Variants in FAM13A observed in about 807,000 individuals in gnomAD.
FAM13A encodes family with sequence similarity 13 member A, also known as protein FAM13A.
Under a neutral mutation model 129.6 loss-of-function variants are expected in FAM13A, and 76 were observed. The ratio of observed to expected loss-of-function variants is 0.59; its 90% CI spans 0.49 to 0.71. The LOEUF is 0.71. Among genes scored for constraint, FAM13A ranks in the 30% least tolerant of loss-of-function variants. The pLI is 0.00. For synonymous variants in FAM13A, 443 were observed against 449.9 expected (o/e 0.98, Z 0.20); for missense variants, 1,108 against 1,249.3 (o/e 0.89, Z 1.70).
intron 7 of FAM13A, among the ~76,000 whole-genome samples, chr4:88,816,051 T>C (rs1396299202): frequency 6.6e-6 from 1 of 151,328 alleles, no homozygotes; most frequent in Non-Finnish European, 1.5e-5. Context: ...AAAACCAAAG[T>C]AGAATTAATT....
intron 6 of FAM13A, among the ~76,000 whole-genome samples, chr4:88,860,257 C>T (rs74455860): frequency 0.013 from 2,017 of 152,248 alleles, 43 homozygotes; most frequent in African/African-American, 0.047. Flanking sequence ...ACTCTTCTAG[C>T]ATAAATATTA....
chr4:89,016,488 C>G (rs1211243861), intron 3 of FAM13A, among the ~76,000 whole-genome samples: 1 of 152,076 alleles, frequency 6.6e-6, no homozygotes, highest in Non-Finnish European at 1.5e-5. Flanking sequence ...ATCTCCTAGG[C>G]CTTCATATTC....
chr4:88,882,361 A>G (rs920983206), intron 6 of FAM13A, among the ~76,000 whole-genome samples: 1 of 152,148 alleles, frequency 6.6e-6, no homozygotes, highest in African/African-American at 2.4e-5. Flanking sequence ...TCAGCCAAGA[A>G]TTTTGTATCC....
chr4:88,791,675 G>A lies in FAM13A; in HGVS notation c.1050-1048C>T, dbSNP rs190532684. On this transcript the variant is annotated intron_variant, in intron 8 of 23. Coordinates refer to ENST00000264344, the MANE Select transcript of FAM13A (RefSeq NM_014883.4). ...TTCAAAGAAAATCAAAGTTGTTAAG[G>A]ACCAATATTGATAGTTGTCTTTCAA... Among the ~76,000 whole-genome samples the A allele has an allele frequency of 9.9e-5, 15 of 152,118 alleles. No homozygotes were observed. In the South Asian group the frequency reaches 2.5e-3, roughly 25 times the overall value.
intron 10 of FAM13A, among the ~76,000 whole-genome samples, chr4:88,784,244 C>A (rs980000460): frequency 2.6e-5 from 4 of 152,160 alleles, no homozygotes; most frequent in African/African-American, 9.7e-5. Flanking sequence ...CACTATAGAT[C>A]CATGAGCCTG....
chr4:88,953,157 G>A (rs1192659109), intron 4 of FAM13A, among the ~76,000 whole-genome samples: 1 of 151,808 alleles, frequency 6.6e-6, no homozygotes, highest in African/African-American at 2.4e-5. Flanking sequence ...ATTACCCCAA[G>A]AAGAAACTTC....
At chr4:88,848,273 T>C (rs1456440059) in intron 7 of FAM13A, among the ~76,000 whole-genome samples, 1 of 152,234 alleles carries the variant, frequency 6.6e-6, no homozygotes, top group Non-Finnish European at 1.5e-5. Context: ...GTCCTTGTGG[T>C]TGTACAGCGC....
At chr4:88,773,248 C>T (rs1026312585) in intron 11 of FAM13A, among the ~76,000 whole-genome samples, 14 of 152,292 alleles carry the variant, frequency 9.2e-5, no homozygotes, top group Non-Finnish European at 1.2e-4. Flanking sequence ...TAAAAACTGT[C>T]TTCATCTTGT....
intron 7 of FAM13A, among the ~76,000 whole-genome samples, chr4:88,815,822 A>ACTAC (rs1561069267): frequency 6.6e-6 from 1 of 152,070 alleles, no homozygotes; most frequent in African/African-American, 2.4e-5. Context: ...TAGAAAAATT[A>ACTAC]AAGAAGGCTG....
chr4:89,004,976 T>C (rs1291785874), intron 3 of FAM13A, among the ~76,000 whole-genome samples: 2 of 104,904 alleles, frequency 1.9e-5, no homozygotes, highest in Non-Finnish European at 4.6e-5. Flanking sequence ...TAAACTCATG[T>C]CATGGTTTTT....
chr4:88,817,852 T>C (rs551005970), intron 7 of FAM13A, among the ~76,000 whole-genome samples: 8 of 152,332 alleles, frequency 5.3e-5, no homozygotes, highest in African/African-American at 7.2e-5. Context: ...TAAGCACTTT[T>C]GCATTGATGG....
intron 4 of FAM13A, among the ~76,000 whole-genome samples, chr4:88,962,067 G>A (rs932169172): frequency 6.6e-6 from 1 of 151,904 alleles, no homozygotes; most frequent in Non-Finnish European, 1.5e-5. Context: ...AACTAGGTAG[G>A]AGTCAGAAGA....
chr4:88,962,761 G>T (rs2148920982), intron 4 of FAM13A, among the ~76,000 whole-genome samples: 1 of 152,360 alleles, frequency 6.6e-6, no homozygotes, highest in Non-Finnish European at 1.5e-5. Flanking sequence ...CCACTGAAAT[G>T]TGAGTGCATA....
chr4:88,802,765 G>A (rs1051242275), intron 8 of FAM13A, among the ~76,000 whole-genome samples: 16 of 151,996 alleles, frequency 1.1e-4, no homozygotes, highest in African/African-American at 3.6e-4. Flanking sequence ...CACGCTCTCC[G>A]TCTGCATCCT....
At chr4:89,027,591 T>C (rs970730696) in intron 2 of FAM13A, among the ~76,000 whole-genome samples, 2 of 151,900 alleles carry the variant, frequency 1.3e-5, no homozygotes, top group African/African-American at 4.8e-5. Flanking sequence ...CAGCATACAA[T>C]TTTTTTTCTT....
At chr4:88,857,799 T>TGTTTGTGG (rs1203092153) in intron 6 of FAM13A, among the ~76,000 whole-genome samples, 18 of 152,198 alleles carry the variant, frequency 1.2e-4, no homozygotes, top group African/African-American at 4.1e-4. Flanking sequence ...CCAGCAGAAA[T>TGTTTGTGG]GTTTGTGGGT....
At chr4:88,819,435 C>T (rs1731455334) in intron 7 of FAM13A, among the ~76,000 whole-genome samples, 1 of 152,146 alleles carries the variant, frequency 6.6e-6, no homozygotes, top group African/African-American at 2.4e-5. Context: ...AGAGTTTTGT[C>T]ATAGCTATGA....
chr4:88,990,977 A>C lies in FAM13A; in HGVS notation c.601T>G (p.Phe201Val), dbSNP rs1413916663. Reference protein sequence around the residue: ...NLATVFGPNCFHVPPGLEGMK... With the variant: ...NLATVFGPNCVHVPPGLEGMK... ...AGTAAAACTCCACTAACTTACTGAA[A>C]GCAATTTGGCCCAAATACAGTGGCG... The change falls in exon 4 of 24, where the codon TTT (phenylalanine) becomes GTT (valine). Residue 201 changes from phenylalanine to valine, a missense_variant. Coordinates refer to ENST00000264344, the MANE Select transcript of FAM13A (RefSeq NM_014883.4). 9.9e-6 allele frequency: 16 copies of C among 1,613,550 alleles called. No homozygotes were observed. Among genetic ancestry groups the C allele is most frequent in the African/African-American group, 1.3e-5 (1 of 74,926 alleles).
chr4:88,900,599 AGGGAATTTGT>A, intron 6 of FAM13A, among the ~76,000 whole-genome samples: 1 of 152,302 alleles, frequency 6.6e-6, no homozygotes, highest in Non-Finnish European at 1.5e-5. Flanking sequence ...GCAAATTCCA[AGGGAATTTGT>A]CACCACCAGG....
Sources: gnomAD v4.1 joint callset for allele counts (sites outside exome capture counted in the v4.1 genomes callset) on GRCh38, gnomAD v4.1.1 for gene constraint, MANE v1.5 for transcripts, NCBI Gene and HGNC (gene_info 2026-07-23, HGNC 2026-07-21) for gene names.